GSE1: variants seen among roughly 807,000 people sequenced by gnomAD.
GSE1 encodes genetic suppressor element 1.
GSE1 carries 32 observed loss-of-function variants against 112.6 expected under a neutral mutation model. The observed-to-expected ratio is 0.28, with a 90% CI of 0.21 to 0.38. GSE1 has a LOEUF of 0.38. Among genes scored for constraint, GSE1 ranks in the 10% least tolerant of loss-of-function variants. The pLI, the probability that GSE1 is intolerant of heterozygous loss-of-function variation, is 1.00. For missense variants in GSE1, 2,348 were observed against 1,699.2 expected (o/e 1.38, Z -6.71); for synonymous variants, 1,115 against 735.6 (o/e 1.52, Z -8.35).
At chr16:85,629,075 C>T (rs765415228) in intron 1 of GSE1, among the ~76,000 whole-genome samples, 1 of 152,212 alleles carries the variant, frequency 6.6e-6, no homozygotes, top group South Asian at 2.1e-4. Flanking sequence ...CTCTTGCTCC[C>T]TCTCTCACCA....
chr16:85,353,906 C>T (rs994593783), intron 1 of GSE1, among the ~76,000 whole-genome samples: 5 of 152,232 alleles, frequency 3.3e-5, no homozygotes, highest in African/African-American at 1.2e-4. Flanking sequence ...GAGCAGGAGC[C>T]CGTCCAAGCT....
chr16:85,201,341 T>G (rs974960555), intron 1 of GSE1, among the ~76,000 whole-genome samples: 4 of 146,810 alleles, frequency 2.7e-5, no homozygotes, highest in African/African-American at 4.9e-5. Flanking sequence ...CTTTGGTGTT[T>G]TTTTTTTTTT....
chr16:85,356,917 G>A (rs1356798371), intron 1 of GSE1, among the ~76,000 whole-genome samples: 2 of 152,198 alleles, frequency 1.3e-5, no homozygotes, highest in Non-Finnish European at 2.9e-5. Flanking sequence ...GGCCCAGTCT[G>A]GAAGAGAGCA....
chr16:85,404,492 GGC>G (rs373234671), intron 2 of GSE1, among the ~76,000 whole-genome samples: 1 of 54,970 alleles, frequency 1.8e-5, no homozygotes, highest in Non-Finnish European at 3.2e-5. Flanking sequence ...TTACACTCAG[GGC>G]CCCCCCGGAT....
At chr16:85,504,845 C>G (rs949376087) in intron 2 of GSE1, among the ~76,000 whole-genome samples, 2 of 152,128 alleles carry the variant, frequency 1.3e-5, no homozygotes, top group Non-Finnish European at 2.9e-5. Context: ...GTGGCTCTGG[C>G]CTTGGCTCTG....
chr16:85,667,382 C>T (rs1256217852), intron 13 of GSE1, among the ~76,000 whole-genome samples: 5 of 152,356 alleles, frequency 3.3e-5, no homozygotes, highest in Middle Eastern at 3.4e-3. Context: ...GCCAGGTGTG[C>T]TCCTGAGGAT....
chr16:85,390,472 C>A (rs913792046), intron 2 of GSE1, among the ~76,000 whole-genome samples: 1 of 152,116 alleles, frequency 6.6e-6, no homozygotes, highest in Non-Finnish European at 1.5e-5. Flanking sequence ...AGCTTCGTGT[C>A]CCTCCATATA....
intron 1 of GSE1, among the ~76,000 whole-genome samples, chr16:85,318,644 G>A (rs2046035177): frequency 6.6e-6 from 1 of 152,216 alleles, no homozygotes; most frequent in African/African-American, 2.4e-5. Flanking sequence ...AGTGGTGGTT[G>A]TGGGGCACAC....
At position 85,241,832 on chromosome 16, in the gene GSE1, C is replaced by A. The variant is rs147411871; in HGVS notation, c.2283+70025C>A. On this transcript the variant is annotated intron_variant, in intron 1 of 2. Coordinates refer to the GSE1 transcript ENST00000637419. ...TTTAGGACTAAGAGTGGCCGATGCC[C>A]TTTATGGTATCTCATGGCCTACACA... Among the ~76,000 whole-genome samples the A allele has an allele frequency of 9.2e-3, 1,398 of 152,196 alleles. 8 individuals carry two copies. Among genetic ancestry groups the A allele is most frequent in the Middle Eastern group, 0.031 (9 of 294 alleles).
intron 2 of GSE1, among the ~76,000 whole-genome samples, chr16:85,389,789 C>T (rs1284693019): frequency 1.3e-5 from 2 of 152,220 alleles, no homozygotes; most frequent in Non-Finnish European, 2.9e-5. Context: ...CCCCACGAGC[C>T]TGCAAGGCAG....
At chr16:85,453,714 G>C (rs1051881437) in intron 2 of GSE1, among the ~76,000 whole-genome samples, 1 of 152,132 alleles carries the variant, frequency 6.6e-6, no homozygotes, top group Non-Finnish European at 1.5e-5. Context: ...CCTGTGGGGG[G>C]ATCCTACTTC....
intron 2 of GSE1, among the ~76,000 whole-genome samples, chr16:85,645,843 A>G (rs189219173): frequency 1.1e-3 from 171 of 151,796 alleles, no homozygotes; most frequent in African/African-American, 3.9e-3. Context: ...CACGCTTCCT[A>G]TGCATGCATT....
intron 14 of GSE1, among the ~76,000 whole-genome samples, chr16:85,668,909 C>G (rs979925667): frequency 6.6e-6 from 1 of 152,260 alleles, no homozygotes; most frequent in South Asian, 2.1e-4. Context: ...AGCACTTTGC[C>G]TAAAAAGACA....
chr16:85,232,946 C>T (rs561358358), intron 1 of GSE1, among the ~76,000 whole-genome samples: 1 of 152,374 alleles, frequency 6.6e-6, no homozygotes, highest in Non-Finnish European at 1.5e-5. Flanking sequence ...TGAGCCTGGG[C>T]AAGGTCCACA....
chr16:85,477,245 C>T (rs12919258), intron 2 of GSE1, among the ~76,000 whole-genome samples: 1 of 152,190 alleles, frequency 6.6e-6, no homozygotes, highest in Non-Finnish European at 1.5e-5. Context: ...CCCCGGGGGG[C>T]ACTGGGTGGG....
At chr16:85,367,434 GC>G (rs1299370255) in intron 2 of GSE1, among the ~76,000 whole-genome samples, 1 of 152,224 alleles carries the variant, frequency 6.6e-6, no homozygotes, top group Middle Eastern at 3.2e-3. Context: ...CACAACCCCT[GC>G]CCCGAGAGCA....
intron 1 of GSE1, among the ~76,000 whole-genome samples, chr16:85,232,111 C>T (rs1460119540): frequency 6.6e-6 from 1 of 152,222 alleles, no homozygotes; most frequent in Non-Finnish European, 1.5e-5. Flanking sequence ...GCAGGCAGAC[C>T]AGAAGCAAGG....
chr16:85,380,880 G>C (rs1279020399), intron 2 of GSE1, among the ~76,000 whole-genome samples: 1 of 152,150 alleles, frequency 6.6e-6, no homozygotes, highest in Admixed American at 6.5e-5. Context: ...TGAATTTCCA[G>C]TGGGCATGGG....
At chr16:85,353,618 G>C (rs1180223300) in intron 1 of GSE1, among the ~76,000 whole-genome samples, 2 of 152,186 alleles carry the variant, frequency 1.3e-5, no homozygotes, top group African/African-American at 4.8e-5. Context: ...AGGATCACTT[G>C]AGCCCAGGAA....
Sources: gnomAD v4.1 joint callset for allele counts (sites outside exome capture counted in the v4.1 genomes callset) on GRCh38, gnomAD v4.1.1 for gene constraint, MANE v1.5 for transcripts, NCBI Gene and HGNC (gene_info 2026-07-23, HGNC 2026-07-21) for gene names.